Variants in RPS6KC1 observed in about 807,000 individuals in gnomAD.
RPS6KC1 encodes ribosomal protein S6 kinase C1, also known as inactive ribosomal protein S6 kinase delta-1.
A neutral mutation model predicts 103.8 loss-of-function variants in RPS6KC1; 54 were observed. The ratio of observed to expected loss-of-function variants is 0.52; its 90% CI spans 0.42 to 0.65. The LOEUF is 0.65. RPS6KC1 is among the 30% of genes least tolerant of loss of function. The pLI, the probability that RPS6KC1 is intolerant of heterozygous loss-of-function variation, is 0.00. For synonymous variants in RPS6KC1, 439 were observed against 438.7 expected (o/e 1.00, Z -0.01); for missense variants, 1,151 against 1,253.8 (o/e 0.92, Z 1.24).
chr1:213,557,144 G>A, the RPS6KC1 span, among the ~76,000 whole-genome samples: 2 of 152,168 alleles, frequency 1.3e-5, no homozygotes, highest in African/African-American at 4.8e-5. Context: ...TTAGGGGCCT[G>A]CTTCAGCCCT....
At chr1:213,675,082 G>T in the RPS6KC1 span, among the ~76,000 whole-genome samples, 1 of 152,156 alleles carries the variant, frequency 6.6e-6, no homozygotes, top group Non-Finnish European at 1.5e-5. Context: ...CTCTCATTCT[G>T]CAGGTTGTCT....
At chr1:213,738,967 A>G in the RPS6KC1 span, among the ~76,000 whole-genome samples, 1 of 152,022 alleles carries the variant, frequency 6.6e-6, no homozygotes, top group African/African-American at 2.4e-5. Flanking sequence ...AGAACATAGA[A>G]GAGCCATCTA....
the RPS6KC1 span, among the ~76,000 whole-genome samples, chr1:213,285,866 G>A: frequency 2.0e-5 from 3 of 152,158 alleles, no homozygotes; most frequent in African/African-American, 7.2e-5. Flanking sequence ...ACCATGTGAG[G>A]ATGCAGCAAG....
At chr1:213,798,900 C>T in the RPS6KC1 span, among the ~76,000 whole-genome samples, 4 of 152,178 alleles carry the variant, frequency 2.6e-5, no homozygotes, top group African/African-American at 9.6e-5. Context: ...AGACCCACAG[C>T]TCCAAGTCAG....
chr1:213,794,086 A>G, the RPS6KC1 span, among the ~76,000 whole-genome samples: 4 of 152,220 alleles, frequency 2.6e-5, no homozygotes, highest in African/African-American at 7.2e-5. Flanking sequence ...TTTACACAGA[A>G]TCTGATAGAT....
At chr1:213,335,978 T>G in the RPS6KC1 span, among the ~76,000 whole-genome samples, 7 of 152,170 alleles carry the variant, frequency 4.6e-5, no homozygotes, top group African/African-American at 1.4e-4. Context: ...TTTAGGAGAC[T>G]CCAATATGTA....
the RPS6KC1 span, among the ~76,000 whole-genome samples, chr1:213,806,024 C>T: frequency 6.6e-6 from 1 of 152,196 alleles, no homozygotes; most frequent in Admixed American, 6.5e-5. Context: ...GAGGTCTCAA[C>T]AGTGGGCCTA....
At chr1:213,088,474 G>A (rs1031225258) in intron 3 of RPS6KC1, among the ~76,000 whole-genome samples, 1 of 151,602 alleles carries the variant, frequency 6.6e-6, no homozygotes, top group Non-Finnish European at 1.5e-5. Flanking sequence ...GCGATTCTCC[G>A]GCTTCAGCCT....
At chr1:213,176,921 A>G (rs2091912879) in intron 8 of RPS6KC1, among the ~76,000 whole-genome samples, 1 of 152,228 alleles carries the variant, frequency 6.6e-6, no homozygotes, top group Admixed American at 6.5e-5. Flanking sequence ...GGCATTTTAT[A>G]TGATACAATC....
intron 8 of RPS6KC1, among the ~76,000 whole-genome samples, chr1:213,206,415 T>A: frequency 6.6e-6 from 1 of 152,206 alleles, no homozygotes; most frequent in East Asian, 1.9e-4. Context: ...GCAGGCACTG[T>A]GTTAGGTGCT....
At chr1:213,250,660 G>A (rs185187782) in intron 12 of RPS6KC1, among the ~76,000 whole-genome samples, 5 of 152,168 alleles carry the variant, frequency 3.3e-5, no homozygotes, top group Admixed American at 2.6e-4. Context: ...ACAGCTTTGC[G>A]CCTTTGAACT....
the RPS6KC1 span, among the ~76,000 whole-genome samples, chr1:213,749,396 AG>A: frequency 1.3e-5 from 2 of 152,144 alleles, no homozygotes; most frequent in Non-Finnish European, 2.9e-5. Context: ...GATATAGAAC[AG>A]GGGGGAGAGG....
the RPS6KC1 span, among the ~76,000 whole-genome samples, chr1:213,326,985 C>T: frequency 6.6e-6 from 1 of 150,702 alleles, no homozygotes; most frequent in East Asian, 1.9e-4. Flanking sequence ...GCATTCAGAT[C>T]ATATCCATTT....
At chr1:213,748,493 CTGA>C in the RPS6KC1 span, among the ~76,000 whole-genome samples, 1 of 152,208 alleles carries the variant, frequency 6.6e-6, no homozygotes, top group East Asian at 1.9e-4. Flanking sequence ...CTTCAGCCCT[CTGA>C]TATCCTCATT....
the RPS6KC1 span, among the ~76,000 whole-genome samples, chr1:213,439,389 G>A: frequency 2.7e-5 from 4 of 149,622 alleles, no homozygotes; most frequent in South Asian, 2.1e-4. Context: ...TTAAATTGAC[G>A]ATTAATTTTC....
chr1:213,449,834 G>A, the RPS6KC1 span, among the ~76,000 whole-genome samples: 5 of 152,186 alleles, frequency 3.3e-5, no homozygotes. Context: ...CTGGCTTTCA[G>A]AAGAGTGTTT....
At chr1:213,825,948 C>T in the RPS6KC1 span, among the ~76,000 whole-genome samples, 1 of 152,256 alleles carries the variant, frequency 6.6e-6, no homozygotes, top group African/African-American at 2.4e-5. Flanking sequence ...AAAATGTGTA[C>T]TTCGGGAAGG....
chr1:213,294,274 A>G, the RPS6KC1 span, among the ~76,000 whole-genome samples: 1 of 152,218 alleles, frequency 6.6e-6, no homozygotes, highest in Non-Finnish European at 1.5e-5. Flanking sequence ...GAGAAATCTG[A>G]GTTTTGCCAA....
chr1:213,832,993 G>C, the RPS6KC1 span, among the ~76,000 whole-genome samples: 1 of 152,092 alleles, frequency 6.6e-6, no homozygotes, highest in East Asian at 1.9e-4. Flanking sequence ...AGAAAAAATG[G>C]GTGGAAACAA....
Sources: allele counts gnomAD v4.1 joint callset (sites outside exome capture counted in the v4.1 genomes callset), GRCh38; gene constraint gnomAD v4.1.1; transcripts MANE v1.5; gene names NCBI Gene and HGNC (gene_info 2026-07-23, HGNC 2026-07-21).